ZMAT4: variants seen among roughly 807,000 people sequenced by gnomAD.
The protein encoded by ZMAT4 is zinc finger matrin-type 4.
In ZMAT4, 17 loss-of-function variants were observed where a neutral mutation model predicts 28.7. The observed-to-expected ratio is 0.59, with a 90% CI of 0.41 to 0.89. The LOEUF (loss-of-function observed/expected upper bound fraction) is 0.89, where lower values mean the gene tolerates loss of function less well. Among genes scored for constraint, ZMAT4 ranks in the 40% least tolerant of loss-of-function variants. The pLI is 0.00. For synonymous variants in ZMAT4, 117 were observed against 109.2 expected, an observed-to-expected ratio of 1.07 and a Z score of -0.44; for missense variants, 240 against 283.8, an observed-to-expected ratio of 0.85 and a Z score of 1.11.
chr8:40,852,736 G>C (rs946969319), intron 1 of ZMAT4, among the ~76,000 whole-genome samples: 1 of 152,138 alleles, frequency 6.6e-6, no homozygotes, highest in African/African-American at 2.4e-5. Flanking sequence ...CCATGATTTT[G>C]TAACATCATG....
intron 5 of ZMAT4, among the ~76,000 whole-genome samples, chr8:40,654,222 G>C (rs1487571654): frequency 1.3e-5 from 2 of 152,060 alleles, no homozygotes; most frequent in East Asian, 3.9e-4. Flanking sequence ...TCCCTGCCAT[G>C]CTGCTGAGCA....
chr8:40,703,076 A>G (rs888746534), intron 3 of ZMAT4, among the ~76,000 whole-genome samples: 21 of 152,178 alleles, frequency 1.4e-4, no homozygotes, highest in African/African-American at 5.1e-4. Flanking sequence ...AAGGTTACAT[A>G]TGGATGGATT....
At chr8:40,795,070 T>C (rs566437171) in intron 2 of ZMAT4, among the ~76,000 whole-genome samples, 1 of 152,120 alleles carries the variant, frequency 6.6e-6, no homozygotes, top group Non-Finnish European at 1.5e-5. Context: ...CACTTACCAA[T>C]GTCTCATCAG....
chr8:40,685,442 C>A (rs1237019219), intron 4 of ZMAT4, among the ~76,000 whole-genome samples: 1 of 152,104 alleles, frequency 6.6e-6, no homozygotes, highest in Non-Finnish European at 1.5e-5. Context: ...CAAATTCAGT[C>A]CCTAGGGGAG....
At chr8:40,577,662 T>A (rs1380926113) in intron 6 of ZMAT4, among the ~76,000 whole-genome samples, 1 of 152,134 alleles carries the variant, frequency 6.6e-6, no homozygotes, top group African/African-American at 2.4e-5. Context: ...GTTCTCAATA[T>A]AAAGAAATGA....
In ZMAT4 at chr8:40,697,240, C is replaced by A; in HGVS notation, c.349+5G>T. Reference sequence around the variant, plus strand: ...TCTCCCCACGATCACTGTTCCTGCACGTACCTGTGGTCTTTAATGGGGTCT... The same window carrying A: ...TCTCCCCACGATCACTGTTCCTGCAAGTACCTGTGGTCTTTAATGGGGTCT... On this transcript the variant is annotated splice_donor_5th_base_variant and intron_variant, in intron 4 of 6. Transcript: ENST00000297737. The A allele has an allele frequency of 6.2e-7, 1 of 1,601,784 alleles. No homozygotes were observed.
intron 1 of ZMAT4, among the ~76,000 whole-genome samples, chr8:40,879,760 G>A (rs766054642): frequency 6.6e-6 from 1 of 152,164 alleles, no homozygotes; most frequent in Non-Finnish European, 1.5e-5. Context: ...ATCTCTATTA[G>A]CATTTTGGCG....
chr8:40,726,650 A>T (rs1383647170), intron 3 of ZMAT4, among the ~76,000 whole-genome samples: 3 of 152,196 alleles, frequency 2.0e-5, no homozygotes, highest in African/African-American at 7.2e-5. Context: ...GCAAACCCAC[A>T]ACACAAACCT....
intron 5 of ZMAT4, among the ~76,000 whole-genome samples, chr8:40,664,265 C>T (rs1474792889): frequency 6.6e-6 from 1 of 152,174 alleles, no homozygotes. Context: ...AACACCAGTA[C>T]ATTCAAAACC....
intron 5 of ZMAT4, among the ~76,000 whole-genome samples, chr8:40,653,013 G>T (rs1011270237): frequency 2.0e-5 from 3 of 151,768 alleles, no homozygotes; most frequent in African/African-American, 7.3e-5. Flanking sequence ...CAGTGCACCA[G>T]CATGGCACAT....
At chr8:40,556,822 C>A (rs917864007) in intron 6 of ZMAT4, among the ~76,000 whole-genome samples, 2 of 152,090 alleles carry the variant, frequency 1.3e-5, no homozygotes, top group African/African-American at 4.8e-5. Context: ...TTTATCATTT[C>A]TATTTGTTAG....
chr8:40,817,449 T>C (rs1815588269), intron 2 of ZMAT4, among the ~76,000 whole-genome samples: 1 of 151,826 alleles, frequency 6.6e-6, no homozygotes, highest in South Asian at 2.1e-4. Context: ...AAAAGAAAAG[T>C]CCCTCCTGCA....
At chr8:40,854,452 A>G (rs532446362) in intron 1 of ZMAT4, among the ~76,000 whole-genome samples, 1 of 152,254 alleles carries the variant, frequency 6.6e-6, no homozygotes, top group South Asian at 2.1e-4. Flanking sequence ...GCTCCGAGGA[A>G]TATAAGAGAA....
At chr8:40,556,095 C>T (rs1803525927) in intron 6 of ZMAT4, among the ~76,000 whole-genome samples, 1 of 152,150 alleles carries the variant, frequency 6.6e-6, no homozygotes, top group African/African-American at 2.4e-5. Context: ...TCATCTCCTT[C>T]CTCCCACACT....
At chr8:40,882,664 T>A (rs1400443129) in intron 1 of ZMAT4, among the ~76,000 whole-genome samples, 1 of 152,188 alleles carries the variant, frequency 6.6e-6, no homozygotes, top group Non-Finnish European at 1.5e-5. Context: ...ACACTTTGTA[T>A]GTTACAGGCA....
chr8:40,787,862 T>C (rs1034540299), intron 2 of ZMAT4, among the ~76,000 whole-genome samples: 3 of 152,214 alleles, frequency 2.0e-5, no homozygotes, highest in African/African-American at 7.2e-5. Context: ...GAATTGTTCA[T>C]TTCTAGAATT....
intron 1 of ZMAT4, among the ~76,000 whole-genome samples, chr8:40,850,248 G>A (rs1425448175): frequency 2.0e-5 from 3 of 152,024 alleles, no homozygotes; most frequent in Non-Finnish European, 4.4e-5. Context: ...TAAACTCCAA[G>A]GCCCTCCGCT....
chr8:40,723,211 G>C (rs1206640008), intron 3 of ZMAT4, among the ~76,000 whole-genome samples: 2 of 152,094 alleles, frequency 1.3e-5, no homozygotes, highest in South Asian at 2.1e-4. Context: ...TCTACATTTA[G>C]AGCCCAAAAT....
chr8:40,860,619 A>G (rs548794909), intron 1 of ZMAT4, among the ~76,000 whole-genome samples: 2 of 152,296 alleles, frequency 1.3e-5, no homozygotes, highest in South Asian at 4.1e-4. Context: ...TAGCTCCCAA[A>G]TCTTTTCAGT....
Sources: allele counts gnomAD v4.1 joint callset (sites outside exome capture counted in the v4.1 genomes callset), GRCh38; gene constraint gnomAD v4.1.1; transcripts MANE v1.5; gene names NCBI Gene and HGNC (gene_info 2026-07-23, HGNC 2026-07-21).